The following VWDE variants were observed in gnomAD, a reference collection of about 807,000 sequenced individuals.
The protein encoded by VWDE is von Willebrand factor D and EGF domains, also known as von Willebrand factor D and EGF domain-containing protein.
Under a neutral mutation model 178.4 loss-of-function variants are expected in VWDE, and 207 were observed. That is an observed-to-expected ratio of 1.16 (90% confidence interval 1.04 to 1.30). VWDE has a LOEUF of 1.30. VWDE is among the 50% of genes most tolerant of loss of function. VWDE has a pLI of 0.00. For synonymous variants in VWDE, 738 were observed against 651.4 expected, an observed-to-expected ratio of 1.13 and a Z score of -2.02; for missense variants, 2,287 against 1,901.3, an observed-to-expected ratio of 1.20 and a Z score of -3.77.
chr7:12,333,421 AT>A, intron 28 of VWDE, 43 bp downstream of exon 28: 1 of 1,200,100 alleles, frequency 8.3e-7, no homozygotes, highest in Non-Finnish European at 1.2e-6. Context: ...AGATATGCAA[AT>A]GTCAATGTCT....
chr7:12,377,144 A>G (rs1783574077), intron 7 of VWDE, among the ~76,000 whole-genome samples: 1 of 152,154 alleles, frequency 6.6e-6, no homozygotes, highest in South Asian at 2.1e-4. Context: ...AATCAAGCCA[A>G]TCACTGCTAT....
chr7:12,395,664 T>C (rs1056219427), intron 1 of VWDE, among the ~76,000 whole-genome samples: 5 of 152,074 alleles, frequency 3.3e-5, no homozygotes, highest in Non-Finnish European at 1.5e-5. Flanking sequence ...ATATATTTTA[T>C]ATCTATTATT....
chr7:12,358,496 AC>A (rs1562482499), intron 16 of VWDE, among the ~76,000 whole-genome samples: 1 of 152,118 alleles, frequency 6.6e-6, no homozygotes, highest in African/African-American at 2.4e-5. Flanking sequence ...TTTCCAGCCC[AC>A]TGGCTTAACA....
intron 10 of VWDE, among the ~76,000 whole-genome samples, chr7:12,372,381 T>C (rs1030703209): frequency 1.3e-5 from 2 of 152,056 alleles, no homozygotes; most frequent in African/African-American, 4.8e-5. Context: ...AACAGAAACT[T>C]AAATTTTTAA....
In VWDE at chr7:12,361,502, A is replaced by C; in HGVS notation, c.2918T>G (p.Met973Arg). The change falls in exon 14 of 29, where the codon ATG becomes AGG. Residue 973 changes from methionine (M) to arginine (R), a missense_variant. Met to Arg is a moderately conservative substitution (Grantham distance 91). Transcript: ENST00000275358. The stretch of plus-strand genomic sequence containing the variant: ...CTGTGTATAGATGGGTTCTCCAGGC[A>C]TCCATTCACTGCTATTATACTGAAG... ...TKLQYNSSEW[M>R]PGEPIYTQTV... 6.5e-7 allele frequency: 1 copy of C among 1,548,696 alleles called. No individual in the cohort carries two copies.
intron 1 of VWDE, among the ~76,000 whole-genome samples, chr7:12,397,801 A>G (rs1784698172): frequency 6.6e-6 from 1 of 152,204 alleles, no homozygotes; most frequent in Admixed American, 6.5e-5. Flanking sequence ...GCCAACAAAC[A>G]TGAGAAAATG....
At chr7:12,384,569 C>A (rs904805937) in intron 3 of VWDE, among the ~76,000 whole-genome samples, 1 of 151,934 alleles carries the variant, frequency 6.6e-6, no homozygotes, top group African/African-American at 2.4e-5. Flanking sequence ...GGGACGTCGA[C>A]AATGGGGTTG....
At chr7:12,359,722 T>G in intron 15 of VWDE, 30 bp from the exon 16 acceptor site, 1 of 1,364,000 alleles carries the variant, frequency 7.3e-7, no homozygotes, top group Non-Finnish European at 1.0e-6. Context: ...AAAGAAAACA[T>G]CAAAGTACAG....
At chr7:12,392,678 A>T (rs907223596) in intron 2 of VWDE, among the ~76,000 whole-genome samples, 6 of 152,124 alleles carry the variant, frequency 3.9e-5, no homozygotes, top group African/African-American at 1.4e-4. Context: ...AGCATTTTGG[A>T]AGAAAATGTA....
At chr7:12,372,831 G>C (rs185486644) in intron 10 of VWDE, 146 bp downstream of exon 10, 2 of 754,942 alleles carry the variant, frequency 2.6e-6, no homozygotes, top group African/African-American at 3.5e-5. Context: ...TGAGAAAAAT[G>C]TATTCCCTCT....
chr7:12,389,927 C>G (rs1473602637), intron 2 of VWDE, among the ~76,000 whole-genome samples: 1 of 152,108 alleles, frequency 6.6e-6, no homozygotes, highest in African/African-American at 2.4e-5. Flanking sequence ...CTTTGGGAGG[C>G]TGAGGTGGGC....
rs200240076 is a variant in VWDE, at chr7:12,331,691, C to T, written c.4759-494G>A. ...TATTTAATCCTTACAATAAGCCTAA[C>T]ATTAGGTGCTACTATTAATGCCATA... On this transcript the variant is annotated intron_variant, in intron 28 of 28. Coordinates refer to ENST00000275358, the MANE Select transcript of VWDE (RefSeq NM_001135924.3). Among the ~76,000 whole-genome samples, 11 of 152,198 alleles carry T rather than the reference C, an allele frequency of 7.2e-5. No individual in the cohort carries two copies. In the East Asian group the frequency reaches 2.1e-3, roughly 29 times the overall value.
At position 12,344,464 on chromosome 7, in the gene VWDE, A is replaced by C; in HGVS notation, c.3892T>G (p.Cys1298Gly). Reference protein sequence around the residue: ...KPTSGNAFTICKYPCGKSREC... With the variant: ...KPTSGNAFTIGKYPCGKSREC... Reference sequence around the variant, plus strand: ...CTACTTTTTCCACATGGATATTTACAAATGGCTAAAAAAAAATCAAAGAAA... The same window carrying C: ...CTACTTTTTCCACATGGATATTTACCAATGGCTAAAAAAAAATCAAAGAAA... Residue 1298 changes from cysteine (C) to glycine (G), a missense_variant, in exon 20 of 29, where the codon TGT becomes GGT. Cys to Gly is a radical substitution (Grantham distance 159). Transcript: ENST00000275358. 1.3e-6 allele frequency: 2 copies of C among 1,547,328 alleles called. No homozygotes were observed. The highest frequency in any genetic ancestry group is 4.9e-5 in the East Asian group (2 of 40,848).
intron 13 of VWDE, among the ~76,000 whole-genome samples, chr7:12,362,942 G>A (rs1258705705): frequency 1.3e-5 from 2 of 152,008 alleles, no homozygotes; most frequent in East Asian, 3.9e-4. Flanking sequence ...GCTAATGACT[G>A]GCAATATAGA....
chr7:12,363,277 G>C (rs1395778806), intron 13 of VWDE, among the ~76,000 whole-genome samples: 2 of 152,054 alleles, frequency 1.3e-5, no homozygotes, highest in African/African-American at 2.4e-5. Flanking sequence ...AGTGGAAAGA[G>C]TGCAATTCAC....
intron 4 of VWDE, 126 bp from the exon 5 acceptor site, chr7:12,380,859 A>T (rs1046182482): frequency 3.0e-5 from 35 of 1,152,104 alleles, no homozygotes; most frequent in Non-Finnish European, 3.5e-5. Flanking sequence ...ATTTAGAAAA[A>T]TGATTATTTC....
chr7:12,367,253 C>T (rs1352146693), intron 13 of VWDE, 104 bp downstream of exon 13: 7 of 855,462 alleles, frequency 8.2e-6, no homozygotes, highest in Non-Finnish European at 1.1e-5. Context: ...GATATAATAT[C>T]GTTTGGATTT....
chr7:12,388,501 T>C (rs1013238487), intron 3 of VWDE, among the ~76,000 whole-genome samples: 1 of 152,308 alleles, frequency 6.6e-6, no homozygotes, highest in East Asian at 1.9e-4. Context: ...GCAACAATAA[T>C]TTGTAATTCT....
chr7:12,360,846 T>C (rs976127253), intron 15 of VWDE, among the ~76,000 whole-genome samples: 2 of 152,174 alleles, frequency 1.3e-5, no homozygotes, highest in East Asian at 3.9e-4. Context: ...GATCTCTTAT[T>C]GGAAAGTCAT....
Sources: allele counts gnomAD v4.1 joint callset (sites outside exome capture counted in the v4.1 genomes callset), GRCh38; gene constraint gnomAD v4.1.1; transcripts MANE v1.5; gene names NCBI Gene and HGNC (gene_info 2026-07-23, HGNC 2026-07-21).